ASH1L: variants seen among roughly 807,000 people sequenced by gnomAD.
ASH1L encodes histone-lysine N-methyltransferase ASH1L.
Under a neutral mutation model 269.0 loss-of-function variants are expected in ASH1L, and 23 were observed. The observed-to-expected ratio is 0.09, with a 90% CI of 0.06 to 0.12. ASH1L has a LOEUF of 0.12. Among genes scored for constraint, ASH1L ranks in the 10% least tolerant of loss-of-function variants. ASH1L has a pLI of 1.00. For synonymous variants in ASH1L, 1,187 were observed against 1,253.5 expected (o/e 0.95, Z 1.12); for missense variants, 2,912 against 3,567.8 (o/e 0.82, Z 4.68).
chr1:155,440,470 A>G, intron 4 of ASH1L: 1 of 573,360 alleles, frequency 1.7e-6, no homozygotes, highest in Non-Finnish European at 2.2e-6. Flanking sequence ...GGTCCTCAAT[A>G]CAGAGTACTT....
At chr1:155,419,692 T>G (rs953737255) in intron 5 of ASH1L, among the ~76,000 whole-genome samples, 1 of 152,174 alleles carries the variant, frequency 6.6e-6, no homozygotes, top group African/African-American at 2.4e-5. Context: ...TTGCCTCATA[T>G]GTACAGGTTA....
At chr1:155,490,614 T>TCACACTCA (rs1553267800) in intron 2 of ASH1L, among the ~76,000 whole-genome samples, 1 of 142,310 alleles carries the variant, frequency 7.0e-6, no homozygotes, top group Non-Finnish European at 1.5e-5. Context: ...CCAGACTACG[T>TCACACTCA]CACACACACA....
chr1:155,535,953 G>A (rs1349402918), intron 1 of ASH1L, among the ~76,000 whole-genome samples: 1 of 151,602 alleles, frequency 6.6e-6, no homozygotes, highest in East Asian at 1.9e-4. Context: ...AGCCGAGATC[G>A]TGCCATTGCA....
At chr1:155,415,677 G>T in intron 6 of ASH1L, 67 bp downstream of exon 6, 2 of 1,506,514 alleles carry the variant, frequency 1.3e-6, no homozygotes, top group South Asian at 1.2e-5. Flanking sequence ...ATTGTTTTTT[G>T]ATAGTCAAAG....
At chr1:155,458,536 G>A (rs930917776) in intron 4 of ASH1L, among the ~76,000 whole-genome samples, 8 of 152,298 alleles carry the variant, frequency 5.3e-5, no homozygotes, top group Non-Finnish European at 1.0e-4. Context: ...CCAACATGGC[G>A]AATTTTAGTC....
chr1:155,534,001 T>C (rs1669872757), intron 1 of ASH1L, among the ~76,000 whole-genome samples: 1 of 151,874 alleles, frequency 6.6e-6, no homozygotes, highest in South Asian at 2.1e-4. Context: ...ACATGGTCCT[T>C]GGTCTCATGA....
chr1:155,441,910 C>T (rs541862727), intron 4 of ASH1L, among the ~76,000 whole-genome samples: 9 of 152,002 alleles, frequency 5.9e-5, no homozygotes, highest in African/African-American at 1.7e-4. Flanking sequence ...GGACTACAGG[C>T]ATGCACCAAC....
intron 10 of ASH1L, among the ~76,000 whole-genome samples, chr1:155,375,759 T>C (rs1299307284): frequency 1.3e-5 from 2 of 151,308 alleles, no homozygotes; most frequent in South Asian, 2.1e-4. Flanking sequence ...GATTGTGCCA[T>C]TGCACTCCAG....
rs957121381 is a variant in ASH1L, at chr1:155,343,830, T to C, written c.7982-88A>G. 28 of 1,438,650 alleles carry C rather than the reference T, an allele frequency of 1.9e-5. No individual in the cohort carries two copies. The highest frequency in any genetic ancestry group is 2.5e-5 in the Non-Finnish European group (26 of 1,050,838). The allele number at this position is 1,438,650 out of a possible 1,614,324, so 89.1% of individuals were successfully genotyped here. A position where few individuals can be genotyped will look rare whatever the true frequency, so the allele number is the denominator to read the frequency against. ...CTGTTTATCTGACTCAGGGTCTACA[T>C]AGAACTCATAATCTGAAACAGTATA... On this transcript the variant is annotated intron_variant, in intron 22 of 27. Transcript: ENST00000392403. The surrounding 1 kb of genome is among the most constrained non-coding windows in gnomAD (Gnocchi z 6.1).
chr1:155,534,988 G>T (rs912155879), intron 1 of ASH1L, among the ~76,000 whole-genome samples: 3 of 152,122 alleles, frequency 2.0e-5, no homozygotes, highest in Non-Finnish European at 2.9e-5. Context: ...TCAGGAGCAA[G>T]ACCAGCCTAG....
Position 155,385,970 on chromosome 1 carries a change from G to A in ASH1L, c.6104-5854C>T, listed in dbSNP as rs949326123. Among the ~76,000 whole-genome samples, 5 of 152,162 alleles carry A rather than the reference G, an allele frequency of 3.3e-5. No individual in the cohort carries two copies. In the East Asian group the frequency reaches 7.7e-4, roughly 23 times the overall value. The stretch of plus-strand genomic sequence containing the variant: ...CTAGGTGTTGGTAAAAGTCTGACTC[G>A]GCTAGACCTCCTCTGACACCATGGC... On this transcript the variant is annotated intron_variant, in intron 7 of 27. Coordinates refer to ENST00000392403, the MANE Select transcript of ASH1L (RefSeq NM_018489.3).
Position 155,395,367 on chromosome 1 carries a change from T to A in ASH1L, c.6103+92A>T, listed in dbSNP as rs187679053. The A allele has an allele frequency of 1.1e-5, 10 of 949,006 alleles. 1 individual carries two copies. In the Admixed American group the frequency reaches 1.5e-4, roughly 15 times the overall value. The allele number at this position is 949,006 out of a possible 1,614,324, so 58.8% of individuals were successfully genotyped here. A position where few individuals can be genotyped will look rare whatever the true frequency, so the allele number is the denominator to read the frequency against. On this transcript the variant is annotated intron_variant, in intron 7 of 27. Transcript: ENST00000392403. ...AAAGAGCTTGATCCCACTGGAGAAA[T>A]AGAAATAATAACAAGATTAAAAAGA...
chr1:155,529,995 A>C (rs1669549782), intron 1 of ASH1L, among the ~76,000 whole-genome samples: 1 of 152,040 alleles, frequency 6.6e-6, no homozygotes, highest in African/African-American at 2.4e-5. Flanking sequence ...AAAAAAAAGA[A>C]GTTTCCCTTC....
chr1:155,431,155 G>A (rs2148594214), intron 5 of ASH1L, among the ~76,000 whole-genome samples: 1 of 152,050 alleles, frequency 6.6e-6, no homozygotes, highest in Non-Finnish European at 1.5e-5. Flanking sequence ...AGGTTGCAGT[G>A]AGCCAAGCCA....
chr1:155,531,433 T>G (rs1669670435), intron 1 of ASH1L, among the ~76,000 whole-genome samples: 2 of 152,078 alleles, frequency 1.3e-5, no homozygotes, highest in Non-Finnish European at 2.9e-5. Flanking sequence ...CTCGGCTCAC[T>G]GCAACCTCCG....
intron 5 of ASH1L, among the ~76,000 whole-genome samples, chr1:155,419,686 C>T (rs1434208268): frequency 6.6e-6 from 1 of 152,106 alleles, no homozygotes; most frequent in Non-Finnish European, 1.5e-5. Context: ...TTTGATTTGC[C>T]TCATATGTAC....
At chr1:155,420,371 AAAAAAAACAAAAAC>A (rs1660572593) in intron 5 of ASH1L, among the ~76,000 whole-genome samples, 1 of 151,076 alleles carries the variant, frequency 6.6e-6, no homozygotes, top group Admixed American at 6.6e-5. Context: ...CTCAAAAAAA[AAAAAAAACAAAAAC>A]AAAAAAACAA....
Position 155,481,544 on chromosome 1 carries a change from T to C in ASH1L, c.1326A>G (p.Thr442=), listed in dbSNP as rs1665964550. ...CCTGACTTTCCTGATTATTGATGTT[T>C]GTACTACAAGAAGCCTTAAGCGGTT... ...TQEPLKASCS[T]NINNQESQEL... is the part of the protein sequence containing the mutation. The change falls in exon 3 of 28, where the codon ACA becomes ACG. Residue 442 remains threonine, a synonymous_variant. Coordinates refer to ENST00000392403, the MANE Select transcript of ASH1L (RefSeq NM_018489.3). The C allele has an allele frequency of 1.2e-6, 2 of 1,614,196 alleles. No homozygotes were observed. The highest frequency in any genetic ancestry group is 2.2e-5 in the East Asian group (1 of 44,888).
chr1:155,381,816 G>A (rs1014143282), intron 7 of ASH1L, among the ~76,000 whole-genome samples: 2 of 151,848 alleles, frequency 1.3e-5, no homozygotes, highest in African/African-American at 4.8e-5. Context: ...CAGAGGTAGA[G>A]GTGGAGGTTG....
Sources: allele counts gnomAD v4.1 joint callset (sites outside exome capture counted in the v4.1 genomes callset), GRCh38; gene constraint gnomAD v4.1.1; non-coding constraint Gnocchi (gnomAD v3.1); transcripts MANE v1.5; gene names NCBI Gene and HGNC (gene_info 2026-07-23, HGNC 2026-07-21).